Variants in GTF2E2 observed in about 807,000 individuals in gnomAD.
GTF2E2 encodes transcription initiation factor IIE subunit beta.
A neutral mutation model predicts 40.5 loss-of-function variants in GTF2E2; 21 were observed. The observed-to-expected ratio is 0.52, with a 90% CI of 0.37 to 0.75. GTF2E2 has a LOEUF of 0.75. GTF2E2 is among the 30% of genes least tolerant of loss of function. The pLI is 0.00. For missense variants in GTF2E2, 298 were observed against 338.4 expected, an observed-to-expected ratio of 0.88 and a Z score of 0.94; for synonymous variants, 117 against 121.6, an observed-to-expected ratio of 0.96 and a Z score of 0.25.
chr8:30,611,812 C>T (rs1301672409), intron 5 of GTF2E2, among the ~76,000 whole-genome samples: 1 of 152,302 alleles, frequency 6.6e-6, no homozygotes, highest in Admixed American at 6.5e-5. Context: ...CAAATGGAAA[C>T]AAGCAGCTTT....
chr8:30,599,931 G>A (rs958684512), intron 6 of GTF2E2, among the ~76,000 whole-genome samples: 24 of 151,922 alleles, frequency 1.6e-4, no homozygotes, highest in African/African-American at 5.6e-4. Context: ...TGCAGTGAGC[G>A]GAGATCACGC....
chr8:30,580,732 C>T (rs1030609469), intron 6 of GTF2E2, among the ~76,000 whole-genome samples: 2 of 152,132 alleles, frequency 1.3e-5, no homozygotes, highest in Non-Finnish European at 2.9e-5. Flanking sequence ...TGCTCAGCTC[C>T]CCTAAGCATG....
chr8:30,601,398 A>G (rs1389135370), intron 6 of GTF2E2, among the ~76,000 whole-genome samples: 1 of 152,212 alleles, frequency 6.6e-6, no homozygotes, highest in Non-Finnish European at 1.5e-5. Context: ...AGTTCCCAAC[A>G]AGGGGAATTT....
chr8:30,584,548 G>C (rs1460981203), intron 6 of GTF2E2: 3 of 152,184 alleles, frequency 2.0e-5, no homozygotes, highest in African/African-American at 4.8e-5. Context: ...TAGCAGAAAA[G>C]AGGAGAAAAC....
chr8:30,653,464 A>G lies in GTF2E2; in HGVS notation c.135T>C (p.His45=), dbSNP rs149694513. The G allele has an allele frequency of 5.4e-4, 866 of 1,613,682 alleles. No homozygotes were observed. Among genetic ancestry groups the G allele is most frequent in the Non-Finnish European group, 7.0e-4 (822 of 1,179,812 alleles). The change falls in exon 2 of 8, where the codon CAT becomes CAC. Residue 45 remains histidine (H), a synonymous_variant. Transcript: ENST00000355904. ...SSKKKKTKVE[H]GGSSGSKQNS... ...TTTGTTTAGAGCCTGACGATCCTCC[A>G]TGTTCTACCTTTGTTTTCTTCTTCT...
In GTF2E2 at chr8:30,635,086, T is replaced by C. The variant is rs1801549222; in HGVS notation, c.204A>G (p.Ser68=). 4 of 1,608,612 alleles carry C rather than the reference T, an allele frequency of 2.5e-6. No individual in the cohort carries two copies. The highest frequency in any genetic ancestry group is 1.1e-5 in the South Asian group (1 of 90,874). The change falls in exon 3 of 8, where the codon TCA becomes TCG. Residue 68 remains serine (S), a synonymous_variant. Transcript: ENST00000355904. ...SNGSFNLKAL[S]GSSGYKFGVL... is the part of the protein sequence containing the mutation. ...CACCAAACTTATATCCAGAGCTTCC[T>C]GACAAAGCTTTCAAGTTAAATGATC...
intron 6 of GTF2E2, chr8:30,584,654 T>A (rs552706369): frequency 6.6e-6 from 1 of 152,192 alleles, no homozygotes; most frequent in Admixed American, 6.5e-5. Flanking sequence ...GTAACTGCCA[T>A]AGAAGGGAAG....
intron 2 of GTF2E2, among the ~76,000 whole-genome samples, chr8:30,640,604 TCTTG>T: frequency 6.6e-6 from 1 of 152,364 alleles, no homozygotes; most frequent in Non-Finnish European, 1.5e-5. Context: ...CACCATTTTC[TCTTG>T]CTTTTCATAA....
At chr8:30,590,761 G>A (rs1233967668) in intron 6 of GTF2E2, among the ~76,000 whole-genome samples, 6 of 151,690 alleles carry the variant, frequency 4.0e-5, no homozygotes, top group African/African-American at 1.2e-4. Flanking sequence ...CGCAATCTCA[G>A]CTCACTACAA....
chr8:30,581,779 A>T (rs891507255), intron 6 of GTF2E2, among the ~76,000 whole-genome samples: 1 of 152,028 alleles, frequency 6.6e-6, no homozygotes, highest in Non-Finnish European at 1.5e-5. Flanking sequence ...GAGAGCAGGG[A>T]GCTCTATTTC....
At chr8:30,615,903 C>A (rs1216349139) in intron 3 of GTF2E2, among the ~76,000 whole-genome samples, 1 of 152,080 alleles carries the variant, frequency 6.6e-6, no homozygotes, top group Non-Finnish European at 1.5e-5. Context: ...CCATAATTGC[C>A]AAAAGCTGGA....
At chr8:30,630,646 AT>A (rs1801413297) in intron 3 of GTF2E2, among the ~76,000 whole-genome samples, 1 of 152,136 alleles carries the variant, frequency 6.6e-6, no homozygotes, top group East Asian at 1.9e-4. Context: ...TCTCACCTCC[AT>A]TCAGAATTTG....
At chr8:30,637,643 CCT>C (rs1409830143) in intron 2 of GTF2E2, among the ~76,000 whole-genome samples, 1 of 152,190 alleles carries the variant, frequency 6.6e-6, no homozygotes, top group African/African-American at 2.4e-5. Flanking sequence ...CCTGCCTCAA[CCT>C]CCTGAATAGC....
intron 2 of GTF2E2, among the ~76,000 whole-genome samples, chr8:30,641,338 T>C (rs1049013232): frequency 2.0e-5 from 3 of 152,090 alleles, no homozygotes; most frequent in African/African-American, 7.2e-5. Context: ...GTGTTACCTA[T>C]AGTTATTATT....
chr8:30,580,890 G>A (rs1236887390), intron 6 of GTF2E2, among the ~76,000 whole-genome samples: 4 of 152,120 alleles, frequency 2.6e-5, no homozygotes, highest in Non-Finnish European at 4.4e-5. Context: ...TGGTGACTAA[G>A]GAGGCATGAA....
At chr8:30,611,062 A>G (rs1188946229) in intron 5 of GTF2E2, among the ~76,000 whole-genome samples, 2 of 152,238 alleles carry the variant, frequency 1.3e-5, no homozygotes, top group Non-Finnish European at 2.9e-5. Context: ...TGAGAATATT[A>G]TGCTAAGTGA....
At position 30,658,156 on chromosome 8, in the gene GTF2E2, GGCGGCA is replaced by G; in HGVS notation, c.-194_-189del. On this transcript the variant is annotated 5_prime_UTR_variant, in exon 1 of 8. Transcript: ENST00000355904. ...CACCACTGGCGGTGGCGGCGGCGGC[GGCGGCA>G]GCGGCGGTAGCTGAGGCGGCGACTG... 2 of 195,768 alleles carry G rather than the reference GGCGGCA, an allele frequency of 1.0e-5. No homozygotes were observed. The highest frequency in any genetic ancestry group is 2.1e-5 in the Non-Finnish European group (2 of 96,770). The allele number at this position is 195,768 out of a possible 1,614,324, so 12.1% of individuals were successfully genotyped here. A position where few individuals can be genotyped will look rare whatever the true frequency, so the allele number is the denominator to read the frequency against.
chr8:30,598,122 T>C (rs1400590605), intron 6 of GTF2E2, among the ~76,000 whole-genome samples: 2 of 152,238 alleles, frequency 1.3e-5, no homozygotes, highest in African/African-American at 4.8e-5. Context: ...AAGTCAACTG[T>C]GTACTTCTCT....
chr8:30,589,758 A>G (rs542514382), intron 6 of GTF2E2, among the ~76,000 whole-genome samples: 1 of 152,252 alleles, frequency 6.6e-6, no homozygotes, highest in South Asian at 2.1e-4. Context: ...GAATGAGAAG[A>G]ACTTGGCAGC....
Sources: allele counts gnomAD v4.1 joint callset (sites outside exome capture counted in the v4.1 genomes callset), GRCh38; gene constraint gnomAD v4.1.1; transcripts MANE v1.5; gene names NCBI Gene and HGNC (gene_info 2026-07-23, HGNC 2026-07-21).